The following TMEM108 variants were observed in gnomAD, a reference collection of about 807,000 sequenced individuals.
TMEM108 encodes the protein cancer/testis antigen 124.
TMEM108 carries 12 observed loss-of-function variants against 35.1 expected under a neutral mutation model. The observed-to-expected ratio is 0.34, with a 90% CI of 0.22 to 0.55. The LOEUF (loss-of-function observed/expected upper bound fraction) is 0.55, where lower values mean the gene tolerates loss of function less well. TMEM108 is among the 20% of genes least tolerant of loss of function. The pLI is 0.89. For synonymous variants in TMEM108, 287 were observed against 308.6 expected, an observed-to-expected ratio of 0.93 and a Z score of 0.73; for missense variants, 680 against 753.3, an observed-to-expected ratio of 0.90 and a Z score of 1.14.
At chr3:133,187,639 G>T (rs1945439222) in intron 2 of TMEM108, among the ~76,000 whole-genome samples, 1 of 152,000 alleles carries the variant, frequency 6.6e-6, no homozygotes, top group African/African-American at 2.4e-5. Context: ...AATCCCAGCT[G>T]CTTGGGAGGC....
At chr3:133,074,390 A>G (rs1326597851) in intron 2 of TMEM108, 1 of 152,232 alleles carries the variant, frequency 6.6e-6, no homozygotes, top group Non-Finnish European at 1.5e-5. Flanking sequence ...TGTATTTAAT[A>G]TACCTAATTT....
At chr3:133,244,900 G>C (rs1009473916) in intron 3 of TMEM108, among the ~76,000 whole-genome samples, 2 of 152,182 alleles carry the variant, frequency 1.3e-5, no homozygotes, top group Non-Finnish European at 2.9e-5. Context: ...AGGGAATTTA[G>C]AAGTTTACCC....
chr3:133,064,020 C>T (rs1943566639), intron 2 of TMEM108, among the ~76,000 whole-genome samples: 1 of 152,196 alleles, frequency 6.6e-6, no homozygotes, highest in Non-Finnish European at 1.5e-5. Context: ...ATCCTTCATT[C>T]ATTTATTGCT....
chr3:133,092,418 A>C (rs562616241), intron 2 of TMEM108, among the ~76,000 whole-genome samples: 2 of 152,336 alleles, frequency 1.3e-5, no homozygotes, highest in African/African-American at 4.8e-5. Flanking sequence ...TTTTAAATTT[A>C]TAATTTTTTA....
chr3:133,342,235 T>TA (rs888713417), intron 3 of TMEM108, among the ~76,000 whole-genome samples: 1 of 151,448 alleles, frequency 6.6e-6, no homozygotes, highest in Admixed American at 6.6e-5. Flanking sequence ...TCTGAATGGG[T>TA]ATTTCTCAAA....
chr3:133,207,369 T>A (rs936274233), intron 2 of TMEM108, among the ~76,000 whole-genome samples: 2 of 151,880 alleles, frequency 1.3e-5, no homozygotes, highest in African/African-American at 2.4e-5. Flanking sequence ...AATGCAGAAG[T>A]CACCCGCCTT....
chr3:133,093,854 T>C lies in TMEM108; in HGVS notation c.-47+47834T>C, dbSNP rs575595131. ...TATAAGTAGAGATGGTTTTCATTCA[T>C]TGAAAGCACAAATGATGTCTTTGTG... is the stretch of plus-strand genomic sequence containing the variant. On this transcript the variant is annotated intron_variant, in intron 2 of 5. Coordinates refer to ENST00000321871, the MANE Select transcript of TMEM108 (RefSeq NM_023943.4). Among the ~76,000 whole-genome samples the C allele has an allele frequency of 4.6e-5, 7 of 152,322 alleles. No individual in the cohort carries two copies. In the East Asian group the frequency reaches 1.3e-3, roughly 29 times the overall value.
chr3:133,309,359 C>G (rs1317040599), intron 3 of TMEM108, among the ~76,000 whole-genome samples: 1 of 152,114 alleles, frequency 6.6e-6, no homozygotes, highest in Non-Finnish European at 1.5e-5. Context: ...GTGTCTATCT[C>G]TTTCAGTTCT....
intron 3 of TMEM108, among the ~76,000 whole-genome samples, chr3:133,276,686 G>T (rs149440582): frequency 6.6e-6 from 1 of 152,130 alleles, no homozygotes; most frequent in Non-Finnish European, 1.5e-5. Context: ...GTGGGAAGTG[G>T]TGGGCGTTTG....
At chr3:133,164,911 A>C (rs1945015509) in intron 2 of TMEM108, among the ~76,000 whole-genome samples, 1 of 152,232 alleles carries the variant, frequency 6.6e-6, no homozygotes, top group Non-Finnish European at 1.5e-5. Context: ...TCATATTGAA[A>C]AAAGTGCATA....
intron 2 of TMEM108, among the ~76,000 whole-genome samples, chr3:133,078,987 A>T (rs1943778310): frequency 6.6e-6 from 1 of 152,242 alleles, no homozygotes; most frequent in Admixed American, 6.5e-5. Context: ...TCAGCCATTA[A>T]ATTGAGAAGA....
intron 2 of TMEM108, among the ~76,000 whole-genome samples, chr3:133,128,155 A>G (rs910889273): frequency 3.3e-5 from 5 of 152,338 alleles, no homozygotes; most frequent in East Asian, 3.9e-4. Context: ...CAGTAACTCT[A>G]TCACTCATAG....
chr3:133,102,655 G>A (rs576545723), intron 2 of TMEM108, among the ~76,000 whole-genome samples: 132 of 152,316 alleles, frequency 8.7e-4, no homozygotes, highest in African/African-American at 3.1e-3. Context: ...AAATGAAAAT[G>A]AATTTCTTTA....
intron 3 of TMEM108, among the ~76,000 whole-genome samples, chr3:133,240,523 G>A (rs1483770280): frequency 6.6e-6 from 1 of 152,216 alleles, no homozygotes; most frequent in African/African-American, 2.4e-5. Context: ...GAAGAATGTA[G>A]GTGAGGGAAG....
intron 3 of TMEM108, among the ~76,000 whole-genome samples, chr3:133,343,805 AAC>A (rs2071734306): frequency 6.6e-6 from 1 of 151,948 alleles, no homozygotes; most frequent in African/African-American, 2.4e-5. Context: ...GTTTATCACA[AAC>A]AGTGAGATTT....
intron 2 of TMEM108, among the ~76,000 whole-genome samples, chr3:133,111,480 T>A (rs1306152432): frequency 6.6e-6 from 1 of 152,168 alleles, no homozygotes; most frequent in Non-Finnish European, 1.5e-5. Context: ...AATATAGATA[T>A]ATGTGTGTAT....
At chr3:133,156,907 T>C (rs1048984540) in intron 2 of TMEM108, among the ~76,000 whole-genome samples, 3 of 152,228 alleles carry the variant, frequency 2.0e-5, no homozygotes, top group Admixed American at 6.5e-5. Flanking sequence ...ATGTGAAGCC[T>C]TAATTCACCG....
At chr3:133,065,898 A>G (rs1195622724) in intron 2 of TMEM108, among the ~76,000 whole-genome samples, 1 of 152,166 alleles carries the variant, frequency 6.6e-6, no homozygotes, top group Non-Finnish European at 1.5e-5. Flanking sequence ...GAACAAGGAA[A>G]TACACTGTGC....
chr3:133,232,976 T>C (rs1946175638), intron 3 of TMEM108, among the ~76,000 whole-genome samples: 1 of 152,112 alleles, frequency 6.6e-6, no homozygotes, highest in South Asian at 2.1e-4. Flanking sequence ...CTAAGAATAC[T>C]TGTGTTTTTG....
Sources: gnomAD v4.1 joint callset for allele counts (sites outside exome capture counted in the v4.1 genomes callset) on GRCh38, gnomAD v4.1.1 for gene constraint, MANE v1.5 for transcripts, NCBI Gene and HGNC (gene_info 2026-07-23, HGNC 2026-07-21) for gene names.